MALRD1: variants seen among roughly 807,000 people sequenced by gnomAD.
MALRD1 encodes the protein MAM and LDL-receptor class A domain-containing protein 1.
In MALRD1, 247 loss-of-function variants were observed where a neutral mutation model predicts 242.1. The ratio of observed to expected loss-of-function variants is 1.02; its 90% CI spans 0.92 to 1.13. The LOEUF (loss-of-function observed/expected upper bound fraction) is 1.13, where lower values mean the gene tolerates loss of function less well. Ranked by LOEUF, MALRD1 falls within the 50% of genes most tolerant of loss-of-function variation. MALRD1 has a pLI of 0.00. For synonymous variants in MALRD1, 995 were observed against 866.6 expected (o/e 1.15, Z -2.60); for missense variants, 2,989 against 2,533.1 (o/e 1.18, Z -3.86).
intron 33 of MALRD1, among the ~76,000 whole-genome samples, chr10:19,583,669 A>T (rs1012512794): frequency 6.6e-6 from 1 of 152,082 alleles, no homozygotes; most frequent in Non-Finnish European, 1.5e-5. Flanking sequence ...CATCAAGGGT[A>T]TTGGTCTAAA....
intron 35 of MALRD1, among the ~76,000 whole-genome samples, chr10:19,611,774 C>G: frequency 6.6e-6 from 1 of 152,010 alleles, no homozygotes; most frequent in African/African-American, 2.4e-5. Flanking sequence ...TACTTTGTGC[C>G]GTGTCTTTCT....
chr10:19,150,145 A>T (rs1379686248), intron 11 of MALRD1, among the ~76,000 whole-genome samples: 2 of 152,202 alleles, frequency 1.3e-5, no homozygotes, highest in East Asian at 3.9e-4. Context: ...AAACACCATT[A>T]AATTTGCATA....
intron 36 of MALRD1, among the ~76,000 whole-genome samples, chr10:19,684,983 A>T (rs367713736): frequency 7.1e-4 from 108 of 152,226 alleles, no homozygotes; most frequent in African/African-American, 2.4e-3. Flanking sequence ...CCTATTAACA[A>T]CTCATATTTG....
chr10:19,325,413 A>ATTT (rs34524649), intron 22 of MALRD1, among the ~76,000 whole-genome samples: 1 of 144,728 alleles, frequency 6.9e-6, no homozygotes. Context: ...AAAGTCCTGT[A>ATTT]TTTTTTTTTT....
At chr10:19,258,133 C>T (rs949008920) in intron 19 of MALRD1, among the ~76,000 whole-genome samples, 7 of 152,156 alleles carry the variant, frequency 4.6e-5, no homozygotes, top group South Asian at 4.2e-4. Flanking sequence ...GGATTACTCT[C>T]GGGAGGCACT....
At chr10:19,171,752 GAT>G (rs549529117) in intron 13 of MALRD1, among the ~76,000 whole-genome samples, 228 of 120,290 alleles carry the variant, frequency 1.9e-3, no homozygotes, top group African/African-American at 6.4e-3. Context: ...TATAATATAC[GAT>G]ATATATACAC....
At chr10:19,504,844 G>A (rs1449599998) in intron 31 of MALRD1, among the ~76,000 whole-genome samples, 5 of 150,500 alleles carry the variant, frequency 3.3e-5, no homozygotes, top group East Asian at 2.0e-4. Flanking sequence ...CACCGCGCCC[G>A]GCTAAGTTTT....
At chr10:19,265,908 A>G (rs1839955214) in intron 19 of MALRD1, among the ~76,000 whole-genome samples, 1 of 151,898 alleles carries the variant, frequency 6.6e-6, no homozygotes, top group Non-Finnish European at 1.5e-5. Flanking sequence ...CATATTGAGT[A>G]CATATATATT....
At chr10:19,355,858 T>TATATTATATATATATATA (rs57813656) in intron 26 of MALRD1, among the ~76,000 whole-genome samples, 1 of 94,924 alleles carries the variant, frequency 1.1e-5, no homozygotes, top group African/African-American at 3.7e-5. Flanking sequence ...TATATATATA[T>TATATTATATATATATATA]TATATATGAT....
At chr10:19,345,727 A>G (rs1394448134) in intron 24 of MALRD1, among the ~76,000 whole-genome samples, 2 of 151,700 alleles carry the variant, frequency 1.3e-5, no homozygotes, top group African/African-American at 2.4e-5. Flanking sequence ...ATTTAGAAAA[A>G]CAAATTATTA....
In MALRD1 at chr10:19,488,848, G is replaced by T; in HGVS notation, c.5030-2669G>T. ...GCCATGCAAAGAAGTCAAATGTCAT[G>T]AATGACCTTCCTGCAGAGTTAGGAT... On this transcript the variant is annotated intron_variant, in intron 29 of 39. Transcript: ENST00000454679. The T allele has an allele frequency of 8.6e-6, 3 of 350,710 alleles. No individual in the cohort carries two copies. The East Asian group carries it at 2.2e-4, about 26-fold the overall frequency. 21.7% of individuals were successfully genotyped at this position (350,710 alleles called of 1,614,324 possible).
At chr10:19,240,585 T>G (rs557052002) in intron 18 of MALRD1, among the ~76,000 whole-genome samples, 3 of 152,112 alleles carry the variant, frequency 2.0e-5, no homozygotes, top group Non-Finnish European at 4.4e-5. Flanking sequence ...TTGCTCTGGC[T>G]CTGACCTCCA....
rs570443054 is a variant in MALRD1, at chr10:19,539,376, T to C, written c.5478+8025T>C. Among the ~76,000 whole-genome samples the C allele has an allele frequency of 5.9e-5, 9 of 152,350 alleles. No individual in the cohort carries two copies. In the South Asian group the frequency reaches 8.3e-4, roughly 14 times the overall value. ...TCTGCCTTTCAGAACTAGAGGGCTA[T>C]TTATGACGTATTGAGGGTTTGCATT... is the stretch of plus-strand genomic sequence containing the variant. On this transcript the variant is annotated intron_variant, in intron 32 of 39. Transcript: ENST00000454679.
At chr10:19,471,127 T>G (rs571045558) in intron 29 of MALRD1, among the ~76,000 whole-genome samples, 1 of 151,876 alleles carries the variant, frequency 6.6e-6, no homozygotes, top group Non-Finnish European at 1.5e-5. Context: ...AGATAAATGT[T>G]CAGTTGCATT....
At position 19,284,290 on chromosome 10, in the gene MALRD1, G is replaced by C. The variant is rs1238135767; in HGVS notation, c.3419+1109G>C. Among the ~76,000 whole-genome samples, 4 of 149,300 alleles carry C rather than the reference G, an allele frequency of 2.7e-5. No individual in the cohort carries two copies. The East Asian group carries it at 7.9e-4, about 30-fold the overall frequency. ...TTATACTTTAAGTTTTAGGGTACAT[G>C]TGCACATTGTGCAGGTTCGTTACAT... is the stretch of plus-strand genomic sequence containing the variant. On this transcript the variant is annotated intron_variant, in intron 21 of 39. Coordinates refer to ENST00000454679, the MANE Select transcript of MALRD1 (RefSeq NM_001142308.3).
intron 28 of MALRD1, among the ~76,000 whole-genome samples, chr10:19,393,830 G>A (rs1239242323): frequency 6.6e-6 from 1 of 151,504 alleles, no homozygotes; most frequent in Non-Finnish European, 1.5e-5. Context: ...ATTTTGAAAT[G>A]GACTTTGTTT....
intron 25 of MALRD1, among the ~76,000 whole-genome samples, chr10:19,351,149 C>G (rs1353374450): frequency 1.3e-5 from 2 of 152,120 alleles, no homozygotes; most frequent in Non-Finnish European, 1.5e-5. Context: ...ATATATGTGA[C>G]TGCTAGTGTT....
intron 38 of MALRD1, among the ~76,000 whole-genome samples, chr10:19,715,356 T>C (rs1402239899): frequency 6.6e-6 from 1 of 150,698 alleles, no homozygotes; most frequent in Non-Finnish European, 1.5e-5. Context: ...CATTATAACT[T>C]ATTATGAAAA....
At chr10:19,110,706 A>C (rs867172558) in intron 5 of MALRD1, among the ~76,000 whole-genome samples, 32 of 152,218 alleles carry the variant, frequency 2.1e-4, no homozygotes, top group African/African-American at 7.2e-4. Flanking sequence ...TCCAGAGCAA[A>C]GCCAGCTTAG....
Sources: gnomAD v4.1 joint callset for allele counts (sites outside exome capture counted in the v4.1 genomes callset) on GRCh38, gnomAD v4.1.1 for gene constraint, MANE v1.5 for transcripts, NCBI Gene and HGNC (gene_info 2026-07-23, HGNC 2026-07-21) for gene names.